ZC3HC1: variants seen among roughly 807,000 people sequenced by gnomAD.
ZC3HC1 encodes the protein zinc finger C3HC-type containing 1.
Under a neutral mutation model 61.9 loss-of-function variants are expected in ZC3HC1, and 38 were observed. The ratio of observed to expected loss-of-function variants is 0.61; its 90% CI spans 0.47 to 0.81. The LOEUF (loss-of-function observed/expected upper bound fraction) is 0.81, where lower values mean the gene tolerates loss of function less well. ZC3HC1 is among the 30% of genes least tolerant of loss of function. The pLI, the probability that ZC3HC1 is intolerant of heterozygous loss-of-function variation, is 0.00. For missense variants in ZC3HC1, 554 were observed against 622.7 expected (o/e 0.89, Z 1.17); for synonymous variants, 213 against 229.9 (o/e 0.93, Z 0.67).
chr7:130,024,382 T>C lies in ZC3HC1; in HGVS notation c.901A>G (p.Thr301Ala). Residue 301 changes from threonine (T) to alanine (A), a missense_variant, in exon 7 of 10, where the codon ACC (threonine) becomes GCC (alanine). Physicochemically the swap from Thr to Ala is moderately conservative, Grantham distance 58. Coordinates refer to ENST00000358303, the MANE Select transcript of ZC3HC1 (RefSeq NM_016478.5). ...MTDLDASFGL[T>A]SSPIPGLEGR... ...TCAAGGCCTGGGATTGGGGAGCTGG[T>C]CAGGCCAAAGGATGCATCCAGGTCA... 1 of 1,614,054 alleles carries C rather than the reference T, an allele frequency of 6.2e-7. No homozygotes were observed. The highest frequency in any genetic ancestry group is 8.5e-7 in the Non-Finnish European group (1 of 1,180,022).
chr7:130,030,894 TCCTGA>T (rs1156764361), intron 4 of ZC3HC1, among the ~76,000 whole-genome samples: 3 of 151,402 alleles, frequency 2.0e-5, no homozygotes, highest in Non-Finnish European at 4.4e-5. Context: ...GGTCTCGATC[TCCTGA>T]CCTCATGATC....
intron 2 of ZC3HC1, chr7:130,044,012 G>A (rs1003196927): frequency 5.7e-6 from 2 of 353,814 alleles, no homozygotes; most frequent in South Asian, 2.2e-5. Context: ...GGAACTCATC[G>A]TTTTTTAAAA....
chr7:130,031,574 GC>G (rs1197780774), intron 4 of ZC3HC1, among the ~76,000 whole-genome samples: 1 of 152,180 alleles, frequency 6.6e-6, no homozygotes, highest in Non-Finnish European at 1.5e-5. Context: ...TTGCTTTGAG[GC>G]AGCAGTATGA....
At chr7:130,051,163 T>A in intron 1 of ZC3HC1, 58 bp downstream of exon 1, 1 of 1,533,780 alleles carries the variant, frequency 6.5e-7, no homozygotes, top group Non-Finnish European at 8.8e-7. Flanking sequence ...CCGCCACCCC[T>A]TCCCCAAGCC....
intron 2 of ZC3HC1, among the ~76,000 whole-genome samples, chr7:130,048,813 C>T (rs1212586258): frequency 6.6e-6 from 1 of 152,094 alleles, no homozygotes; most frequent in Non-Finnish European, 1.5e-5. Context: ...ATTATTTCTT[C>T]TTTTCTCAGG....
At chr7:130,030,828 C>T (rs1461844805) in intron 4 of ZC3HC1, among the ~76,000 whole-genome samples, 2 of 151,684 alleles carry the variant, frequency 1.3e-5, no homozygotes, top group African/African-American at 2.4e-5. Flanking sequence ...GCCACTGCGC[C>T]TGGCTAATTT....
At chr7:130,026,111 ATGCTGTTGT>A in intron 6 of ZC3HC1, 38 bp downstream of exon 6, 2 of 1,591,578 alleles carry the variant, frequency 1.3e-6, no homozygotes, top group Non-Finnish European at 1.7e-6. Context: ...TATGGGTGTA[ATGCTGTTGT>A]CATGGTTCAT....
chr7:130,034,098 T>C (rs1401508753), intron 4 of ZC3HC1, among the ~76,000 whole-genome samples: 1 of 152,182 alleles, frequency 6.6e-6, no homozygotes, highest in Non-Finnish European at 1.5e-5. Context: ...TAGGTTTCTA[T>C]TTTAACACCT....
At chr7:130,021,366 G>A (rs1413365552) in intron 9 of ZC3HC1, among the ~76,000 whole-genome samples, 1 of 152,200 alleles carries the variant, frequency 6.6e-6, no homozygotes, top group Non-Finnish European at 1.5e-5. Context: ...ATTGTTACCA[G>A]CTACAAGGAA....
At chr7:130,020,298 A>C (rs1238762834) in intron 9 of ZC3HC1, among the ~76,000 whole-genome samples, 1 of 140,458 alleles carries the variant, frequency 7.1e-6, no homozygotes, top group Non-Finnish European at 1.5e-5. Flanking sequence ...TTTGAAAGGG[A>C]GTCTCACTCT....
At chr7:130,045,511 C>G in intron 2 of ZC3HC1, 1 of 457,404 alleles carries the variant, frequency 2.2e-6, no homozygotes, top group Non-Finnish European at 4.4e-6. Context: ...AAATGACAGC[C>G]CAGAGAAGAA....
chr7:130,047,100 C>G (rs1216056754), intron 2 of ZC3HC1, among the ~76,000 whole-genome samples: 2 of 152,156 alleles, frequency 1.3e-5, no homozygotes, highest in Non-Finnish European at 2.9e-5. Flanking sequence ...GTCACTGGGA[C>G]TACAAGCATG....
rs145181541 is a variant in ZC3HC1, at chr7:130,049,099, T to C, written c.192A>G (p.Gln64=). 1,120 of 1,610,058 alleles carry C rather than the reference T, an allele frequency of 7.0e-4. No homozygotes were observed. Among genetic ancestry groups the C allele is most frequent in the Non-Finnish European group, 9.1e-4 (1,073 of 1,178,400 alleles). The change falls in exon 2 of 10, where the codon CAA becomes CAG. Residue 64 remains glutamine (Q), a synonymous_variant. Transcript: ENST00000358303. Reference sequence around the variant, plus strand: ...TAGATTCCAATGAAGGTTGTTCCGCTTGGGGTGATCCATTAACTGACTGGG... The same window carrying C: ...TAGATTCCAATGAAGGTTGTTCCGCCTGGGGTGATCCATTAACTGACTGGG... ...ATSQSVNGSP[Q]AEQPSLESTS...
chr7:130,035,519 T>C (rs1228283738), intron 4 of ZC3HC1, among the ~76,000 whole-genome samples: 1 of 151,666 alleles, frequency 6.6e-6, no homozygotes, highest in Non-Finnish European at 1.5e-5. Flanking sequence ...TCCCCAAATA[T>C]ATCAGCACTT....
intron 5 of ZC3HC1, among the ~76,000 whole-genome samples, chr7:130,027,871 T>G (rs1446549321): frequency 1.3e-5 from 2 of 151,902 alleles, no homozygotes; most frequent in Non-Finnish European, 1.5e-5. Flanking sequence ...GTTTGTTACT[T>G]TCTTTGAAAA....
At chr7:130,029,266 C>A (rs1316039471) in intron 4 of ZC3HC1, among the ~76,000 whole-genome samples, 2 of 151,834 alleles carry the variant, frequency 1.3e-5, no homozygotes, top group Non-Finnish European at 2.9e-5. Context: ...CCCAGCTACT[C>A]GGGAGGCTAA....
intron 1 of ZC3HC1, 25 bp downstream of exon 1, chr7:130,051,196 A>C: frequency 6.3e-7 from 1 of 1,580,086 alleles, no homozygotes; most frequent in Non-Finnish European, 8.6e-7. Flanking sequence ...CCAACGCCGG[A>C]CCCAGGGTTA....
chr7:130,037,978 G>A (rs1334879591), intron 4 of ZC3HC1, among the ~76,000 whole-genome samples: 2 of 152,152 alleles, frequency 1.3e-5, no homozygotes, highest in East Asian at 1.9e-4. Flanking sequence ...TTTTCATAGA[G>A]ATGAGGTCTT....
At chr7:130,019,322 T>C (rs1302145483) in intron 9 of ZC3HC1, among the ~76,000 whole-genome samples, 1 of 152,160 alleles carries the variant, frequency 6.6e-6, no homozygotes, top group African/African-American at 2.4e-5. Context: ...GTGCTGGGAT[T>C]ACAGGCGTGA....
Sources: allele counts gnomAD v4.1 joint callset (sites outside exome capture counted in the v4.1 genomes callset), GRCh38; gene constraint gnomAD v4.1.1; transcripts MANE v1.5; gene names NCBI Gene and HGNC (gene_info 2026-07-23, HGNC 2026-07-21).